The following OXTR variants were observed in gnomAD, a reference collection of about 807,000 sequenced individuals.
The protein encoded by OXTR is oxytocin receptor.
A neutral mutation model predicts 23.9 loss-of-function variants in OXTR; 19 were observed. The observed-to-expected ratio is 0.80, with a 90% confidence interval of 0.56 to 1.17. The LOEUF (loss-of-function observed/expected upper bound fraction) is 1.17, where lower values mean the gene tolerates loss of function less well. Among genes scored for constraint, OXTR ranks in the 50% most tolerant of loss-of-function variants. The pLI, the probability that OXTR is intolerant of heterozygous loss-of-function variation, is 0.00. For synonymous variants in OXTR, 278 were observed against 250.5 expected, an observed-to-expected ratio of 1.11 and a Z score of -1.04; for missense variants, 500 against 550.7, an observed-to-expected ratio of 0.91 and a Z score of 0.92.
chr3:8,749,079 G>T (rs1708212419), downstream of OXTR, among the ~76,000 whole-genome samples: 1 of 151,978 alleles, frequency 6.6e-6, no homozygotes, highest in South Asian at 2.1e-4. Context: ...GGGGTCTGGG[G>T]AGGAGGCCAG....
chr3:8,743,125 C>A, the OXTR span, among the ~76,000 whole-genome samples: 4 of 152,118 alleles, frequency 2.6e-5, no homozygotes, highest in Non-Finnish European at 5.9e-5. Flanking sequence ...GGGAGGGCAC[C>A]AAGCCATGGT....
chr3:8,744,455 T>C, the OXTR span, among the ~76,000 whole-genome samples: 1 of 147,054 alleles, frequency 6.8e-6, no homozygotes, highest in East Asian at 2.0e-4. Flanking sequence ...ATTTTTTTTT[T>C]TTTTTTTTTT....
intron 3 of OXTR, among the ~76,000 whole-genome samples, chr3:8,764,647 T>C (rs899963415): frequency 2.0e-5 from 3 of 152,186 alleles, no homozygotes; most frequent in Non-Finnish European, 4.4e-5. Context: ...GTGTTCTAAC[T>C]GAGCTCACAG....
downstream of OXTR, chr3:8,746,071 C>A: frequency 1.1e-5 from 6 of 567,362 alleles, no homozygotes; most frequent in Non-Finnish European, 1.9e-5. Context: ...CTCCCCCAGC[C>A]CCACCATGAT....
At chr3:8,761,518 C>T (rs188643946) in intron 3 of OXTR, among the ~76,000 whole-genome samples, 19 of 152,134 alleles carry the variant, frequency 1.2e-4, no homozygotes, top group African/African-American at 3.6e-4. Context: ...GGGTTGGGGT[C>T]GTCATGCAGT....
In OXTR at chr3:8,767,369, C is replaced by T. The variant is rs371523570; in HGVS notation, c.819G>A (p.Thr273=). 5 of 1,612,598 alleles carry T rather than the reference C, an allele frequency of 3.1e-6. No individual in the cohort carries two copies. Among genetic ancestry groups the T allele is most frequent in the Non-Finnish European group, 4.2e-6 (5 of 1,179,508 alleles). Reference sequence around the variant, plus strand: ...GCACGATGATGAAAGTCATCTTGACCGTGCGGATCTTGGCCTTGGAGATGA... The same window carrying T: ...GCACGATGATGAAAGTCATCTTGACTGTGCGGATCTTGGCCTTGGAGATGA... ...VKLISKAKIR[T]VKMTFIIVLA... The change falls in exon 3 of 4, where the codon ACG becomes ACA. Residue 273 remains threonine, a synonymous_variant. Transcript: ENST00000316793.
downstream of OXTR, chr3:8,745,503 G>T: frequency 6.3e-7 from 1 of 1,596,242 alleles, no homozygotes; most frequent in Non-Finnish European, 8.6e-7. This position sits in a 1 kb window ranked among gnomAD's most constrained non-coding sequence, Gnocchi z 4.8. Context: ...GTGAGTTGAG[G>T]CTTCCCCTTG....
In OXTR at chr3:8,751,360, T is replaced by C. The variant is rs1292353471; in HGVS notation, c.*1617A>G. 6.6e-6 allele frequency: 1 copy of C among 152,192 alleles called. No homozygotes were observed. Among genetic ancestry groups the C allele is most frequent in the African/African-American group, 2.4e-5 (1 of 41,420 alleles). 9.4% of individuals were successfully genotyped at this position (152,192 alleles called of 1,614,324 possible). On this transcript the variant is annotated 3_prime_UTR_variant, in exon 4 of 4. Transcript: ENST00000316793. ...CTTTTCACCTTCTTGATAGGGTCTTTTCAATCACAAAAGCTTCAAATCTTG... is the reference window on the plus strand; with the variant it reads ...CTTTTCACCTTCTTGATAGGGTCTTCTCAATCACAAAAGCTTCAAATCTTG...
At chr3:8,765,991 A>G (rs1440359014) in intron 3 of OXTR, among the ~76,000 whole-genome samples, 1 of 152,174 alleles carries the variant, frequency 6.6e-6, no homozygotes, top group Non-Finnish European at 1.5e-5. Flanking sequence ...TGGCACTGAG[A>G]TTTCGGCTTC....
In OXTR at chr3:8,768,325, C is replaced by A; in HGVS notation, c.-138G>T. ...GACTCCACGGACGGATCTGCTGGGT[C>A]CACCCTGAAACAAACCGGGAGGGCC... On this transcript the variant is annotated 5_prime_UTR_variant, in exon 3 of 4. Transcript: ENST00000316793. This position sits in a 1 kb window ranked among gnomAD's most constrained non-coding sequence, Gnocchi z 5.4. 1 of 1,195,158 alleles carries A rather than the reference C, an allele frequency of 8.4e-7. No homozygotes were observed. The highest frequency in any genetic ancestry group is 1.0e-6 in the Non-Finnish European group (1 of 961,706). 74.0% of individuals were successfully genotyped at this position (1,195,158 alleles called of 1,614,324 possible). A position where few individuals can be genotyped will look rare whatever the true frequency, so the allele number is the denominator to read the frequency against.
At chr3:8,762,865 A>G (rs1157857499) in intron 3 of OXTR, among the ~76,000 whole-genome samples, 1 of 152,132 alleles carries the variant, frequency 6.6e-6, no homozygotes, top group Non-Finnish European at 1.5e-5. Context: ...TCTGTTTCAG[A>G]CAGCTGCTTA....
chr3:8,752,921 C>A lies in OXTR; in HGVS notation c.*56G>T. Reference sequence around the variant, plus strand: ...CATACGCCATCACCTAGGAGCAGAGCACTTATGCCAGCACAGCCTGAGCCT... The same window carrying A: ...CATACGCCATCACCTAGGAGCAGAGAACTTATGCCAGCACAGCCTGAGCCT... On this transcript the variant is annotated 3_prime_UTR_variant, in exon 4 of 4. Coordinates refer to ENST00000316793, the MANE Select transcript of OXTR (RefSeq NM_000916.4). The A allele has an allele frequency of 1.3e-6, 2 of 1,547,490 alleles. No individual in the cohort carries two copies. Among genetic ancestry groups the A allele is most frequent in the Admixed American group, 1.9e-5 (1 of 52,714 alleles).
downstream of OXTR, chr3:8,746,169 A>G: frequency 3.3e-6 from 1 of 306,908 alleles, no homozygotes; most frequent in Non-Finnish European, 6.1e-6. Flanking sequence ...AACAACATAA[A>G]CCAGCACGCG....
downstream of OXTR, chr3:8,745,509 C>T (rs2124988175): frequency 6.2e-7 from 1 of 1,604,850 alleles, no homozygotes; most frequent in South Asian, 1.1e-5. This position sits in a 1 kb window ranked among gnomAD's most constrained non-coding sequence, Gnocchi z 4.8. Context: ...TGAGGCTTCC[C>T]CTTGCCACCC....
chr3:8,748,035 C>T (rs1262103806), downstream of OXTR, among the ~76,000 whole-genome samples: 1 of 152,144 alleles, frequency 6.6e-6, no homozygotes, highest in African/African-American at 2.4e-5. Context: ...AAGTAGCAGG[C>T]AGAAAATCAC....
chr3:8,749,292 G>T (rs917106677), downstream of OXTR, among the ~76,000 whole-genome samples: 4 of 152,108 alleles, frequency 2.6e-5, no homozygotes, highest in Non-Finnish European at 4.4e-5. Context: ...CAATGTACCC[G>T]CCAGAGCTTT....
rs1455956785 is a variant in OXTR, at chr3:8,768,191, C to T, written c.-4G>A. 2 of 1,291,386 alleles carry T rather than the reference C, an allele frequency of 1.5e-6. No homozygotes were observed. The highest frequency in any genetic ancestry group is 9.7e-7 in the Non-Finnish European group (1 of 1,026,786). The allele number at this position is 1,291,386 out of a possible 1,614,324, so 80.0% of individuals were successfully genotyped here. A position where few individuals can be genotyped will look rare whatever the true frequency, so the allele number is the denominator to read the frequency against. ...TGGCTGCGAGCGCGCCCTCCATGAC[C>T]CTGGCGGCAGCGGTGCGCCCCGGCC... On this transcript the variant is annotated 5_prime_UTR_variant, in exon 3 of 4. Transcript: ENST00000316793. This position sits in a 1 kb window ranked among gnomAD's most constrained non-coding sequence, Gnocchi z 5.4.
chr3:8,748,524 C>A (rs892845642), downstream of OXTR, among the ~76,000 whole-genome samples: 1 of 152,320 alleles, frequency 6.6e-6, no homozygotes, highest in South Asian at 2.1e-4. Context: ...CTGGGGTCTA[C>A]AAGCCACCAG....
intron 3 of OXTR, among the ~76,000 whole-genome samples, chr3:8,756,727 C>A (rs747988235): frequency 9.3e-4 from 141 of 152,210 alleles, no homozygotes; most frequent in Non-Finnish European, 1.3e-3. Context: ...CTGGGCATTG[C>A]CTTTGGCCAA....
Sources: allele counts gnomAD v4.1 joint callset (sites outside exome capture counted in the v4.1 genomes callset), GRCh38; gene constraint gnomAD v4.1.1; non-coding constraint Gnocchi (gnomAD v3.1); transcripts MANE v1.5; gene names NCBI Gene and HGNC (gene_info 2026-07-23, HGNC 2026-07-21).